CPS1: variants seen among roughly 807,000 people sequenced by gnomAD.
CPS1 encodes carbamoyl-phosphate synthase 1.
Under a neutral mutation model 174.6 loss-of-function variants are expected in CPS1, and 109 were observed. The ratio of observed to expected loss-of-function variants is 0.62; its 90% confidence interval spans 0.53 to 0.73. The LOEUF (loss-of-function observed/expected upper bound fraction) is 0.73. CPS1 is among the 30% of genes least tolerant of loss of function. The probability of loss-of-function intolerance (pLI) is 0.00; values close to 1 mark genes in which losing one functional copy is unlikely to be tolerated. For synonymous variants in CPS1, 637 were observed against 632.0 expected (o/e 1.01, Z -0.12); for missense variants, 1,689 against 1,821.9 (o/e 0.93, Z 1.33).
chr2:210,495,878 G>A (rs1239815809), intron 1 of CPS1, among the ~76,000 whole-genome samples: 1 of 151,962 alleles, frequency 6.6e-6, no homozygotes, highest in Admixed American at 6.6e-5. Flanking sequence ...GTGAGTGTGT[G>A]TGTGTGCATG....
At chr2:210,657,756 G>A (rs1297801974) in intron 30 of CPS1, 3 of 152,212 alleles carry the variant, frequency 2.0e-5, no homozygotes, top group Non-Finnish European at 4.4e-5. Context: ...TGTACATTGG[G>A]CTGGATTCTG....
intron 21 of CPS1, among the ~76,000 whole-genome samples, chr2:210,630,782 A>T (rs1303691957): frequency 2.0e-5 from 3 of 152,158 alleles, no homozygotes; most frequent in East Asian, 1.9e-4. Flanking sequence ...ACACATAGCA[A>T]CTTGTCTCCT....
rs970256252 is a variant in CPS1 at position 210,642,525 on chromosome 2, C to T, written c.3001C>T (p.Arg1001Cys). The T allele has an allele frequency of 6.8e-6, 11 of 1,613,788 alleles. No individual in the cohort carries two copies. The highest frequency in any genetic ancestry group is 1.1e-5 in the South Asian group (1 of 91,080). The change falls in exon 25 of 38, where the codon CGC (arginine) becomes TGC (cysteine). Residue 1001 changes from arginine to cysteine, a missense_variant. By Grantham distance (180) the Arg-to-Cys change is radical. Coordinates refer to ENST00000233072, the MANE Select transcript of CPS1 (RefSeq NM_001875.5). ...EFDWCAVSSI[R>C]TLRQLGKKTV... ...TGATTGGTGTGCTGTCTCTAGTATCCGCACACTGCGTCAACTTGGCAAGAA... is the reference window on the plus strand; with the variant it reads ...TGATTGGTGTGCTGTCTCTAGTATCTGCACACTGCGTCAACTTGGCAAGAA...
intron 33 of CPS1, among the ~76,000 whole-genome samples, chr2:210,667,593 A>G (rs998968460): frequency 2.0e-5 from 3 of 152,044 alleles, no homozygotes; most frequent in Non-Finnish European, 2.9e-5. Flanking sequence ...GTAGCAGGAT[A>G]TTTTGTTTCA....
intron 16 of CPS1, among the ~76,000 whole-genome samples, chr2:210,604,456 A>G (rs1182615931): frequency 6.6e-6 from 1 of 151,858 alleles, no homozygotes; most frequent in Non-Finnish European, 1.5e-5. Context: ...GTGTGCCGTA[A>G]ATATGAAATT....
At chr2:210,546,828 C>T (rs1696576750) in intron 1 of CPS1, among the ~76,000 whole-genome samples, 1 of 151,886 alleles carries the variant, frequency 6.6e-6, no homozygotes, top group Admixed American at 6.6e-5. Context: ...TCACACATTT[C>T]TCCTTTGATT....
At chr2:210,562,192 C>G (rs538932505) in intron 1 of CPS1, among the ~76,000 whole-genome samples, 77 of 152,160 alleles carry the variant, frequency 5.1e-4, no homozygotes, top group Non-Finnish European at 7.4e-4. Flanking sequence ...AAAAATGATT[C>G]ATAAATCTTA....
At chr2:210,583,870 C>G (rs1364642123) in intron 6 of CPS1, among the ~76,000 whole-genome samples, 1 of 152,058 alleles carries the variant, frequency 6.6e-6, no homozygotes, top group Non-Finnish European at 1.5e-5. Context: ...TGTAACTTAT[C>G]AGAACAAAAC....
At chr2:210,491,603 G>A (rs1005620357) in intron 1 of CPS1, among the ~76,000 whole-genome samples, 5 of 152,198 alleles carry the variant, frequency 3.3e-5, no homozygotes, top group East Asian at 1.9e-4. Flanking sequence ...ATGAGCCACC[G>A]CACCTGGACA....
intron 9 of CPS1, among the ~76,000 whole-genome samples, chr2:210,591,621 T>G (rs758996760): frequency 3.9e-5 from 6 of 152,062 alleles, no homozygotes; most frequent in Non-Finnish European, 7.4e-5. Context: ...CCTGCGTATT[T>G]AACACACAAC....
At chr2:210,659,518 C>T (rs1234785730) in intron 31 of CPS1, among the ~76,000 whole-genome samples, 1 of 152,118 alleles carries the variant, frequency 6.6e-6, no homozygotes, top group Admixed American at 6.5e-5. Context: ...CAAACACCTC[C>T]CACTAGTCTC....
intron 1 of CPS1, among the ~76,000 whole-genome samples, chr2:210,502,522 T>TAC (rs1431103019): frequency 6.7e-6 from 1 of 149,024 alleles, no homozygotes; most frequent in Non-Finnish European, 1.5e-5. Context: ...TATATATATA[T>TAC]ACACACATAT....
intron 3 of CPS1, chr2:210,577,162 T>A (rs1054236630): frequency 1.4e-5 from 7 of 511,478 alleles, no homozygotes; most frequent in Non-Finnish European, 2.5e-5. Context: ...ATAAATGCCA[T>A]GCATGTCAGA....
intron 5 of CPS1, among the ~76,000 whole-genome samples, chr2:210,580,924 G>T (rs988081922): frequency 6.6e-6 from 1 of 150,490 alleles, no homozygotes; most frequent in Non-Finnish European, 1.5e-5. Context: ...TAGATTTCTT[G>T]TTAGGATATA....
At chr2:210,537,227 A>G (rs909590125) in intron 1 of CPS1, among the ~76,000 whole-genome samples, 2 of 152,224 alleles carry the variant, frequency 1.3e-5, no homozygotes, top group East Asian at 1.9e-4. Flanking sequence ...TTTCAAACCA[A>G]TGAGTGGTGA....
In CPS1 at chr2:210,565,381, G is replaced by A. The variant is rs117324971; in HGVS notation, c.127-7917G>A. Among the ~76,000 whole-genome samples, 1,100 of 152,196 alleles carry A rather than the reference G, an allele frequency of 7.2e-3. 39 individuals are homozygous for A. In the East Asian group the frequency reaches 0.1, roughly 14 times the overall value. On this transcript the variant is annotated intron_variant, in intron 1 of 37. Coordinates refer to ENST00000233072, the MANE Select transcript of CPS1 (RefSeq NM_001875.5). ...ATTGGCTCCCAGATTCACAATACGT[G>A]TAGGCTCCAGACTAAAAAATGCCAA...
At chr2:210,616,332 C>G in intron 20 of CPS1, 91 bp from the exon 21 acceptor site, 1 of 856,992 alleles carries the variant, frequency 1.2e-6, no homozygotes, top group Non-Finnish European at 2.0e-6. Context: ...CTCTAAATAA[C>G]ACACAGAGGC....
intron 2 of CPS1, among the ~76,000 whole-genome samples, chr2:210,575,372 G>T (rs946304790): frequency 6.6e-6 from 1 of 152,010 alleles, no homozygotes. Flanking sequence ...ACATGGAAGA[G>T]AGCAGGAAAA....
intron 1 of CPS1, among the ~76,000 whole-genome samples, chr2:210,497,233 AAAG>A (rs1465211844): frequency 6.6e-6 from 1 of 152,192 alleles, no homozygotes. Context: ...GGCATGTCAT[AAAG>A]AAGAATTTAT....
Sources: gnomAD v4.1 joint callset for allele counts (sites outside exome capture counted in the v4.1 genomes callset) on GRCh38, gnomAD v4.1.1 for gene constraint, MANE v1.5 for transcripts, NCBI Gene and HGNC (gene_info 2026-07-23, HGNC 2026-07-21) for gene names.